Variants in ZBBX observed in about 807,000 individuals in gnomAD.
ZBBX encodes zinc finger B-box domain containing.
ZBBX carries 101 observed loss-of-function variants against 108.5 expected under a neutral mutation model. The ratio of observed to expected loss-of-function variants is 0.93; its 90% confidence interval spans 0.79 to 1.10. ZBBX has a LOEUF of 1.10. ZBBX is among the 50% of genes least tolerant of loss of function. The pLI, the probability that ZBBX is intolerant of heterozygous loss-of-function variation, is 0.00. For missense variants in ZBBX, 1,009 were observed against 941.4 expected (o/e 1.07, Z -0.94); for synonymous variants, 356 against 323.4 (o/e 1.10, Z -1.08).
chr3:167,267,725 T>A (rs556890419), intron 20 of ZBBX, among the ~76,000 whole-genome samples: 2 of 152,288 alleles, frequency 1.3e-5, no homozygotes, highest in South Asian at 4.1e-4. Context: ...CTATGCTCTT[T>A]GTTAGAGACA....
intron 10 of ZBBX, among the ~76,000 whole-genome samples, chr3:167,329,360 G>GAAAAATA (rs1737991987): frequency 6.6e-6 from 1 of 152,150 alleles, no homozygotes; most frequent in Admixed American, 6.5e-5. Flanking sequence ...GCCCGCAATT[G>GAAAAATA]AAAAATAAAC....
At chr3:167,359,773 G>A in intron 8 of ZBBX, 97 bp downstream of exon 8, 1 of 491,180 alleles carries the variant, frequency 2.0e-6, no homozygotes, top group Non-Finnish European at 3.3e-6. Flanking sequence ...AGCAAGTTAA[G>A]TTGGGAGAGG....
At chr3:167,249,417 G>T (rs994808457) in intron 20 of ZBBX, among the ~76,000 whole-genome samples, 1 of 152,120 alleles carries the variant, frequency 6.6e-6, no homozygotes, top group Non-Finnish European at 1.5e-5. Flanking sequence ...AACCCCAGCA[G>T]AGGATCCAGC....
chr3:167,396,728 A>G, intron 1 of ZBBX, among the ~76,000 whole-genome samples: 1 of 151,998 alleles, frequency 6.6e-6, no homozygotes, highest in Middle Eastern at 3.2e-3. Flanking sequence ...TTTGTTAATG[A>G]ACATTTGAAT....
chr3:167,287,195 T>A (rs1428155516), intron 19 of ZBBX, among the ~76,000 whole-genome samples: 1 of 152,094 alleles, frequency 6.6e-6, no homozygotes, highest in Non-Finnish European at 1.5e-5. Flanking sequence ...GGTCCAAAAG[T>A]AAATTACTCA....
Position 167,340,390 on chromosome 3 carries a change from AT to A in ZBBX, c.529-6406del, listed in dbSNP as rs1236803315. 2.0e-5 allele frequency among the ~76,000 whole-genome samples: 3 copies of A among 152,262 alleles called. No homozygotes were observed. In the East Asian group the frequency reaches 5.8e-4, roughly 29 times the overall value. ...CCCATCAAATTTCCACTTAGTAAAA[AT>A]ATCTTTGCAAAATAAAAGTAATTTT... On this transcript the variant is annotated intron_variant, in intron 9 of 21. Transcript: ENST00000675490.
chr3:167,338,351 C>T (rs1193637742), intron 9 of ZBBX, among the ~76,000 whole-genome samples: 1 of 152,090 alleles, frequency 6.6e-6, no homozygotes, highest in African/African-American at 2.4e-5. Context: ...GAATGGATGG[C>T]ACCTTGTAGA....
At chr3:167,217,541 A>G in the ZBBX span, among the ~76,000 whole-genome samples, 4 of 152,254 alleles carry the variant, frequency 2.6e-5, no homozygotes, top group East Asian at 7.7e-4. Context: ...AATCTTTGTG[A>G]AAAGAAGTAT....
intron 4 of ZBBX, among the ~76,000 whole-genome samples, chr3:167,372,209 T>TAA (rs201747936): frequency 2.0e-5 from 3 of 147,364 alleles, no homozygotes; most frequent in Non-Finnish European, 3.0e-5. Flanking sequence ...AGACTTCGTC[T>TAA]AAAAAAAAAA....
In ZBBX at chr3:167,322,093, T is replaced by C. The variant is rs761240602; in HGVS notation, c.983+24A>G. The C allele has an allele frequency of 3.4e-6, 4 of 1,167,594 alleles. No homozygotes were observed. In the South Asian group the frequency reaches 7.8e-5, roughly 23 times the overall value. 72.3% of individuals were successfully genotyped at this position (1,167,594 alleles called of 1,614,324 possible). A position where few individuals can be genotyped will look rare whatever the true frequency, so the allele number is the denominator to read the frequency against. ...CATAAATAACTTTCATATTTCCTAA[T>C]AGTATTATAATTTCAGAAAATACCT... On this transcript the variant is annotated intron_variant, in intron 12 of 21. Transcript: ENST00000675490.
chr3:167,181,886 T>A, the ZBBX span, among the ~76,000 whole-genome samples: 6 of 152,044 alleles, frequency 3.9e-5, no homozygotes, highest in Admixed American at 3.9e-4. Flanking sequence ...TTTGTAGGGG[T>A]TCCCCAGGCA....
At chr3:167,343,088 A>G (rs1201273398) in intron 9 of ZBBX, among the ~76,000 whole-genome samples, 1 of 151,916 alleles carries the variant, frequency 6.6e-6, no homozygotes, top group Non-Finnish European at 1.5e-5. Flanking sequence ...AATGGGATTG[A>G]ATTTCTACTA....
At chr3:167,186,727 T>C in the ZBBX span, among the ~76,000 whole-genome samples, 1,086 of 152,138 alleles carry the variant, frequency 7.1e-3, 13 homozygotes, top group African/African-American at 0.025. Context: ...ACAAAATCAA[T>C]AAAATGAGCA....
chr3:167,228,153 G>A, the ZBBX span, among the ~76,000 whole-genome samples: 1 of 151,736 alleles, frequency 6.6e-6, no homozygotes, highest in African/African-American at 2.4e-5. Flanking sequence ...CATTTGTTCA[G>A]CTTCCTATGA....
chr3:167,179,576 G>A, the ZBBX span, among the ~76,000 whole-genome samples: 2 of 152,186 alleles, frequency 1.3e-5, no homozygotes, highest in Non-Finnish European at 2.9e-5. Flanking sequence ...TCATAACTGA[G>A]TATTTTCAAT....
the ZBBX span, among the ~76,000 whole-genome samples, chr3:167,217,952 C>T: frequency 7.4e-4 from 111 of 149,794 alleles, no homozygotes; most frequent in African/African-American, 2.6e-3. Context: ...GTGCAGTTAG[C>T]CAGGATGGTC....
At chr3:167,385,605 C>A (rs1007930152) in intron 1 of ZBBX, among the ~76,000 whole-genome samples, 52 of 152,018 alleles carry the variant, frequency 3.4e-4, no homozygotes, top group Admixed American at 1.4e-3. Context: ...ACAAACACAT[C>A]GTACAGATGT....
intron 20 of ZBBX, among the ~76,000 whole-genome samples, chr3:167,280,745 C>G (rs550349676): frequency 0.014 from 2,112 of 151,718 alleles, 26 homozygotes; most frequent in South Asian, 0.026. Flanking sequence ...CCAGCCATCC[C>G]ATTACTGGGT....
chr3:167,184,517 G>A, the ZBBX span, among the ~76,000 whole-genome samples: 1 of 152,018 alleles, frequency 6.6e-6, no homozygotes, highest in Non-Finnish European at 1.5e-5. Flanking sequence ...CTACCCAAGT[G>A]AAATGAAAAC....
Sources: allele counts gnomAD v4.1 joint callset (sites outside exome capture counted in the v4.1 genomes callset), GRCh38; gene constraint gnomAD v4.1.1; transcripts MANE v1.5; gene names NCBI Gene and HGNC (gene_info 2026-07-23, HGNC 2026-07-21).